The following ERGIC1 variants were observed in gnomAD, a reference collection of about 807,000 sequenced individuals.
ERGIC1 encodes the protein endoplasmic reticulum-Golgi intermediate compartment protein 1.
ERGIC1 carries 19 observed loss-of-function variants against 38.3 expected under a neutral mutation model. The ratio of observed to expected loss-of-function variants is 0.50; its 90% CI spans 0.35 to 0.73. The LOEUF (loss-of-function observed/expected upper bound fraction) is 0.73, where lower values mean the gene tolerates loss of function less well. Ranked by LOEUF, ERGIC1 falls within the 30% of genes least tolerant of loss-of-function variation. The pLI, the probability that ERGIC1 is intolerant of heterozygous loss-of-function variation, is 0.01. For synonymous variants in ERGIC1, 124 were observed against 157.6 expected, an observed-to-expected ratio of 0.79 and a Z score of 1.60; for missense variants, 294 against 389.2, an observed-to-expected ratio of 0.76 and a Z score of 2.06.
chr5:172,932,731 A>C, intron 8 of ERGIC1, 195 bp downstream of exon 8: 1 of 601,374 alleles, frequency 1.7e-6, no homozygotes. Flanking sequence ...GCAGTCTCAG[A>C]GTCAAGGAGA....
chr5:172,918,958 C>A (rs924053396), intron 5 of ERGIC1, among the ~76,000 whole-genome samples: 3 of 152,134 alleles, frequency 2.0e-5, no homozygotes, highest in Non-Finnish European at 2.9e-5. Context: ...CATCACGCTG[C>A]GGCTGCTGCC....
At chr5:172,842,937 A>G (rs935697286) in intron 1 of ERGIC1, among the ~76,000 whole-genome samples, 24 of 152,300 alleles carry the variant, frequency 1.6e-4, no homozygotes, top group African/African-American at 5.8e-4. Flanking sequence ...TGAGGTCAGG[A>G]GTTCGAGACC....
intron 2 of ERGIC1, among the ~76,000 whole-genome samples, chr5:172,890,041 G>A (rs1353848981): frequency 6.6e-6 from 1 of 152,178 alleles, no homozygotes; most frequent in Non-Finnish European, 1.5e-5. Flanking sequence ...AATAGAGAAT[G>A]GGAAGGAAAA....
At chr5:172,855,730 T>C (rs1761533061) in intron 1 of ERGIC1, among the ~76,000 whole-genome samples, 1 of 152,184 alleles carries the variant, frequency 6.6e-6, no homozygotes, top group Non-Finnish European at 1.5e-5. Flanking sequence ...GATGAGGGAA[T>C]GCACCAGGCA....
chr5:172,925,029 G>T (rs1284964641), intron 6 of ERGIC1, among the ~76,000 whole-genome samples: 2 of 152,118 alleles, frequency 1.3e-5, no homozygotes, highest in African/African-American at 2.4e-5. Flanking sequence ...CTTGAGGTCA[G>T]AAGTTTGAGA....
chr5:172,938,387 C>A (rs796913353), intron 9 of ERGIC1, among the ~76,000 whole-genome samples: 3 of 152,320 alleles, frequency 2.0e-5, no homozygotes, highest in African/African-American at 7.2e-5. Flanking sequence ...CAGTAGGGTT[C>A]AGAAGGCTCT....
chr5:172,873,686 C>G (rs927384861), intron 1 of ERGIC1, among the ~76,000 whole-genome samples: 5 of 152,228 alleles, frequency 3.3e-5, no homozygotes, highest in Non-Finnish European at 1.5e-5. Flanking sequence ...AGTCCTGACT[C>G]TGCTTCTTGT....
intron 2 of ERGIC1, among the ~76,000 whole-genome samples, chr5:172,890,427 A>G (rs764218077): frequency 3.3e-5 from 5 of 152,222 alleles, no homozygotes; most frequent in Non-Finnish European, 7.3e-5. Flanking sequence ...GTGAAGCCCA[A>G]ATAAAGTCCG....
rs75830535 is a variant in ERGIC1 at position 172,943,013 on chromosome 5, G to C, written c.766-7696G>C. ...GAGGGCAGGTGGGCTAACAGAAAAA[G>C]CAGGCCCTTTGCAGCCTCCCAAACC... On this transcript the variant is annotated intron_variant, in intron 9 of 9. Coordinates refer to ENST00000393784, the MANE Select transcript of ERGIC1 (RefSeq NM_001031711.3). Among the ~76,000 whole-genome samples, 667 of 152,290 alleles carry C rather than the reference G, an allele frequency of 4.4e-3. 14 individuals are homozygous for C. Among genetic ancestry groups the C allele is most frequent in the Admixed American group, 0.027 (411 of 15,306 alleles).
At chr5:172,889,585 A>G (rs1762508796) in intron 2 of ERGIC1, among the ~76,000 whole-genome samples, 1 of 152,166 alleles carries the variant, frequency 6.6e-6, no homozygotes, top group Admixed American at 6.5e-5. Flanking sequence ...AGCCTGCAGC[A>G]GTTTGAGTAA....
Position 172,846,744 on chromosome 5 carries a change from A to G in ERGIC1, c.20+12311A>G, listed in dbSNP as rs534620349. The stretch of plus-strand genomic sequence containing the variant: ...TGACCCAGAGTCTTTTAAGTCCCTT[A>G]CAGTAGACAGTGGTGGGCCTGTCTG... On this transcript the variant is annotated intron_variant, in intron 1 of 9. Transcript: ENST00000393784. This position sits in a 1 kb window ranked among gnomAD's most constrained non-coding sequence, Gnocchi z 4.0. Among the ~76,000 whole-genome samples the G allele has an allele frequency of 1.8e-4, 27 of 152,334 alleles. No homozygotes were observed. The South Asian group carries it at 4.6e-3, about 26-fold the overall frequency.
chr5:172,935,468 A>G, intron 9 of ERGIC1, 158 bp downstream of exon 9: 1 of 855,886 alleles, frequency 1.2e-6, no homozygotes, highest in Non-Finnish European at 1.8e-6. Context: ...GACCCCAAGG[A>G]TGCTGAGAAA....
intron 1 of ERGIC1, among the ~76,000 whole-genome samples, chr5:172,873,421 G>A (rs1311903329): frequency 6.6e-6 from 1 of 152,228 alleles, no homozygotes; most frequent in Non-Finnish European, 1.5e-5. Flanking sequence ...GGCAAGTGGG[G>A]GTGAGGGGCC....
intron 2 of ERGIC1, among the ~76,000 whole-genome samples, chr5:172,888,961 C>T (rs1294876136): frequency 6.6e-6 from 1 of 152,212 alleles, no homozygotes; most frequent in Non-Finnish European, 1.5e-5. Flanking sequence ...GCACAGGCAC[C>T]ATCTGGAAGG....
chr5:172,844,741 T>A (rs1761243270), intron 1 of ERGIC1, among the ~76,000 whole-genome samples: 1 of 152,164 alleles, frequency 6.6e-6, no homozygotes. Context: ...CCTCCTCTGA[T>A]GGTGTGGGAA....
At position 172,834,412 on chromosome 5, in the gene ERGIC1, C is replaced by G; in HGVS notation, c.-2C>G. On this transcript the variant is annotated 5_prime_UTR_variant, in exon 1 of 10. Transcript: ENST00000393784. This position sits in a 1 kb window ranked among gnomAD's most constrained non-coding sequence, Gnocchi z 4.1. ...AGCGCTCCCACCCCCGGCGGCGGCA[C>G]GATGCCCTTTGACTTCAGGAGGTGA... The G allele has an allele frequency of 7.5e-7, 1 of 1,336,538 alleles. No individual in the cohort carries two copies. The highest frequency in any genetic ancestry group is 9.6e-7 in the Non-Finnish European group (1 of 1,039,018). 82.8% of individuals were successfully genotyped at this position (1,336,538 alleles called of 1,614,324 possible).
chr5:172,893,919 G>GTATATATATATATATATA lies in ERGIC1; in HGVS notation c.83-3082_83-3081insATATATATATATATATAT, dbSNP rs1561721904. 2.2e-4 allele frequency among the ~76,000 whole-genome samples: 14 copies of GTATATATATATATATATA among 62,658 alleles called. 1 individual carries two copies. The highest frequency in any genetic ancestry group is 8.2e-4 in the African/African-American group (14 of 17,010). 41.1% of individuals were successfully genotyped at this position (62,658 alleles called of 152,430 possible). A position where few individuals can be genotyped will look rare whatever the true frequency, so the allele number is the denominator to read the frequency against. On this transcript the variant is annotated intron_variant, in intron 2 of 9. Transcript: ENST00000393784. ...TATATATATATATGTGTGTGTGTGT[G>GTATATATATATATATATA]TGTGTGTGTGTGTGTGTATATATAT... is the stretch of plus-strand genomic sequence containing the variant.
chr5:172,950,589 G>C lies in ERGIC1; in HGVS notation c.766-120G>C, dbSNP rs538633887. 18 of 824,688 alleles carry C rather than the reference G, an allele frequency of 2.2e-5. No homozygotes were observed. In the East Asian group the frequency reaches 4.6e-4, roughly 21 times the overall value. 51.1% of individuals were successfully genotyped at this position (824,688 alleles called of 1,614,324 possible). A position where few individuals can be genotyped will look rare whatever the true frequency, so the allele number is the denominator to read the frequency against. ...GGTGACTATGTAGTGGGTATTATGG[G>C]CTTAACGGGCAATGTCTGCCTTGCA... On this transcript the variant is annotated intron_variant, in intron 9 of 9. Coordinates refer to ENST00000393784, the MANE Select transcript of ERGIC1 (RefSeq NM_001031711.3).
chr5:172,835,348 GT>G (rs1478771011), intron 1 of ERGIC1, among the ~76,000 whole-genome samples: 1 of 152,172 alleles, frequency 6.6e-6, no homozygotes, highest in Non-Finnish European at 1.5e-5. Flanking sequence ...AAGGCTCTGG[GT>G]TCAGAACTCC....
Sources: gnomAD v4.1 joint callset for allele counts (sites outside exome capture counted in the v4.1 genomes callset) on GRCh38, gnomAD v4.1.1 for gene constraint, Gnocchi (gnomAD v3.1) non-coding constraint, MANE v1.5 for transcripts, NCBI Gene and HGNC (gene_info 2026-07-23, HGNC 2026-07-21) for gene names.